The following CDH6 variants were observed in gnomAD, a reference collection of about 807,000 sequenced individuals.
CDH6 encodes cadherin 6.
In CDH6, 31 loss-of-function variants were observed where a neutral mutation model predicts 78.0. The ratio of observed to expected loss-of-function variants is 0.40; its 90% CI spans 0.30 to 0.54. The LOEUF (loss-of-function observed/expected upper bound fraction) is 0.54, where lower values mean the gene tolerates loss of function less well. Among genes scored for constraint, CDH6 ranks in the 20% least tolerant of loss-of-function variants. The pLI is 0.56. For synonymous variants in CDH6, 376 were observed against 368.8 expected, an observed-to-expected ratio of 1.02 and a Z score of -0.23; for missense variants, 724 against 975.9, an observed-to-expected ratio of 0.74 and a Z score of 3.44.
At position 31,301,314 on chromosome 5, in the gene CDH6, A is replaced by C. The variant is rs182358848; in HGVS notation, c.812-797A>C. Among the ~76,000 whole-genome samples the C allele has an allele frequency of 2.3e-3, 348 of 152,350 alleles. 4 individuals carry two copies. The highest frequency in any genetic ancestry group is 0.021 in the Admixed American group (316 of 15,302). ...TGAATGGTTAACAAAATGTAATTGA[A>C]AAGGGTAGAATAAGCCTTGGTTTTA... On this transcript the variant is annotated intron_variant, in intron 5 of 11. Transcript: ENST00000265071.
chr5:31,221,201 T>G (rs1373864517), intron 1 of CDH6, among the ~76,000 whole-genome samples: 1 of 152,180 alleles, frequency 6.6e-6, no homozygotes, highest in African/African-American at 2.4e-5. Flanking sequence ...AGTCACTCAC[T>G]CACCAGTCAA....
At chr5:31,305,487 T>C in intron 7 of CDH6, 60 bp downstream of exon 7, 2 of 1,522,256 alleles carry the variant, frequency 1.3e-6, no homozygotes, top group Middle Eastern at 1.8e-4. Context: ...TATTCAAATA[T>C]CTGCCTGCAC....
intron 2 of CDH6, among the ~76,000 whole-genome samples, chr5:31,275,939 C>T (rs566139752): frequency 6.6e-6 from 1 of 152,286 alleles, no homozygotes; most frequent in African/African-American, 2.4e-5. Context: ...AATAAACAGA[C>T]ATACGGGAGG....
rs926270122 is a variant in CDH6, at chr5:31,324,661, A to C, written c.*1353A>C. 1.9e-5 allele frequency: 4 copies of C among 210,478 alleles called. No homozygotes were observed. The highest frequency in any genetic ancestry group is 1.2e-4 in the Admixed American group (2 of 17,016). The allele number at this position is 210,478 out of a possible 1,614,324, so 13.0% of individuals were successfully genotyped here. A position where few individuals can be genotyped will look rare whatever the true frequency, so the allele number is the denominator to read the frequency against. On this transcript the variant is annotated 3_prime_UTR_variant, in exon 12 of 12. Coordinates refer to ENST00000265071, the MANE Select transcript of CDH6 (RefSeq NM_004932.4). ...ATCCTTGACTTTGAACTAATGATAA[A>C]GTAATGATCTCAAACTATGACAGAA...
At chr5:31,261,302 T>A (rs746545533) in intron 1 of CDH6, among the ~76,000 whole-genome samples, 2 of 152,184 alleles carry the variant, frequency 1.3e-5, no homozygotes, top group Non-Finnish European at 2.9e-5. Flanking sequence ...TAAAAAGTCA[T>A]AAATAACCAG....
At chr5:31,261,228 C>T (rs961633633) in intron 1 of CDH6, among the ~76,000 whole-genome samples, 11 of 152,006 alleles carry the variant, frequency 7.2e-5, no homozygotes, top group Non-Finnish European at 1.5e-4. Context: ...CCTCATTGCC[C>T]ACAAAGACAG....
At chr5:31,277,933 A>G (rs1742744196) in intron 2 of CDH6, among the ~76,000 whole-genome samples, 1 of 152,204 alleles carries the variant, frequency 6.6e-6, no homozygotes, top group African/African-American at 2.4e-5. Flanking sequence ...ATTTTGATAT[A>G]CGTTGTGAAA....
chr5:31,223,375 C>T (rs1436332127), intron 1 of CDH6, among the ~76,000 whole-genome samples: 2 of 152,118 alleles, frequency 1.3e-5, no homozygotes, highest in South Asian at 2.1e-4. Context: ...AAATTAATTA[C>T]TTTGCTGCTA....
At chr5:31,290,960 C>T (rs1335798058) in intron 2 of CDH6, among the ~76,000 whole-genome samples, 1 of 152,240 alleles carries the variant, frequency 6.6e-6, no homozygotes, top group Non-Finnish European at 1.5e-5. Context: ...TGCCCTTTAA[C>T]ATTGTTTCGG....
chr5:31,299,061 T>C (rs1391407440), intron 4 of CDH6, among the ~76,000 whole-genome samples: 1 of 152,208 alleles, frequency 6.6e-6, no homozygotes, highest in African/African-American at 2.4e-5. Flanking sequence ...TCCTCATAAT[T>C]CACCTAAATG....
chr5:31,236,554 G>A lies in CDH6; in HGVS notation c.-128-30792G>A, dbSNP rs148402367. 5.9e-5 allele frequency among the ~76,000 whole-genome samples: 9 copies of A among 152,208 alleles called. 2 individuals carry two copies. Among genetic ancestry groups the A allele is most frequent in the Admixed American group, 1.3e-4 (2 of 15,286 alleles). On this transcript the variant is annotated intron_variant, in intron 1 of 11. Coordinates refer to ENST00000265071, the MANE Select transcript of CDH6 (RefSeq NM_004932.4). ...AGCTCTGGCACACCTTTGTTGCCACGTGCTGCATCCTACCACAAACACCAT... is the reference window on the plus strand; with the variant it reads ...AGCTCTGGCACACCTTTGTTGCCACATGCTGCATCCTACCACAAACACCAT...
At chr5:31,279,101 C>A (rs564399191) in intron 2 of CDH6, among the ~76,000 whole-genome samples, 1 of 152,170 alleles carries the variant, frequency 6.6e-6, no homozygotes, top group African/African-American at 2.4e-5. Flanking sequence ...ATTGAACAAC[C>A]CAAGGGTTCA....
chr5:31,293,624 G>T (rs2149947310), intron 2 of CDH6, among the ~76,000 whole-genome samples: 1 of 152,212 alleles, frequency 6.6e-6, no homozygotes, highest in Middle Eastern at 3.4e-3. Flanking sequence ...TGAAAAATAG[G>T]AAAATCGTGA....
Position 31,294,061 on chromosome 5 carries a change from A to G in CDH6, c.328A>G (p.Ile110Val). 1 of 1,614,032 alleles carries G rather than the reference A, an allele frequency of 6.2e-7. No individual in the cohort carries two copies. The highest frequency in any genetic ancestry group is 8.5e-7 in the Non-Finnish European group (1 of 1,179,940). The part of the protein sequence containing the change: ...LFIINENTGD[I>V]QATKRLDREE... ...CATTATTAATGAAAACACAGGCGAC[A>G]TACAGGCCACCAAGAGGCTGGACAG... is the stretch of plus-strand genomic sequence containing the variant. Residue 110 changes from isoleucine (I) to valine (V), a missense_variant, in exon 3 of 12, where the codon ATA (isoleucine) becomes GTA (valine). Ile to Val is a conservative substitution (Grantham distance 29). Transcript: ENST00000265071. The surrounding 1 kb of genome is among the most constrained non-coding windows in gnomAD (Gnocchi z 4.1).
chr5:31,260,542 G>A (rs1742185686), intron 1 of CDH6, among the ~76,000 whole-genome samples: 1 of 152,118 alleles, frequency 6.6e-6, no homozygotes, highest in Non-Finnish European at 1.5e-5. Flanking sequence ...TTTATGTGCT[G>A]TAACACATTG....
rs182358848 is a variant in CDH6, at chr5:31,301,314, A to G, written c.812-797A>G. On this transcript the variant is annotated intron_variant, in intron 5 of 11. Transcript: ENST00000265071. The stretch of plus-strand genomic sequence containing the variant: ...TGAATGGTTAACAAAATGTAATTGA[A>G]AAGGGTAGAATAAGCCTTGGTTTTA... Among the ~76,000 whole-genome samples, 40 of 152,354 alleles carry G rather than the reference A, an allele frequency of 2.6e-4. No individual in the cohort carries two copies. The South Asian group carries it at 8.3e-3, about 32-fold the overall frequency.
intron 2 of CDH6, among the ~76,000 whole-genome samples, chr5:31,272,402 A>G (rs1386090665): frequency 1.3e-5 from 2 of 152,222 alleles, no homozygotes; most frequent in African/African-American, 4.8e-5. Context: ...TAATAGAAAA[A>G]TAGAGGGAAG....
intron 1 of CDH6, among the ~76,000 whole-genome samples, chr5:31,247,506 G>C (rs1490408035): frequency 6.6e-6 from 1 of 152,144 alleles, no homozygotes; most frequent in Non-Finnish European, 1.5e-5. Context: ...CCTTAGACAA[G>C]AAAACATCCA....
At position 31,294,197 on chromosome 5, in the gene CDH6, A is replaced by G; in HGVS notation, c.464A>G (p.Asn155Ser). 1.9e-6 allele frequency: 3 copies of G among 1,614,038 alleles called. No homozygotes were observed. Among genetic ancestry groups the G allele is most frequent in the Non-Finnish European group, 2.5e-6 (3 of 1,179,926 alleles). Residue 155 changes from asparagine to serine, a missense_variant, in exon 3 of 12, where the codon AAT (asparagine) becomes AGT (serine). Asn to Ser is a conservative substitution (Grantham distance 46). This residue lies in a region of CDH6 where 446 missense variants were observed against 684.5 expected (regional missense o/e 0.65). Transcript: ENST00000265071. This position sits in a 1 kb window ranked among gnomAD's most constrained non-coding sequence, Gnocchi z 4.1. ...ATCAAGATCCATGACATCAATGACA[A>G]TGAACCAATATTCACCAAGGAGGTT... Reference protein sequence around the residue: ...FIIKIHDINDNEPIFTKEVYT... With the variant: ...FIIKIHDINDSEPIFTKEVYT...
Sources: allele counts gnomAD v4.1 joint callset (sites outside exome capture counted in the v4.1 genomes callset), GRCh38; gene constraint gnomAD v4.1.1; regional missense constraint gnomAD v4.1.1; non-coding constraint Gnocchi (gnomAD v3.1); transcripts MANE v1.5; gene names NCBI Gene and HGNC (gene_info 2026-07-23, HGNC 2026-07-21).